The following HHAT variants were observed in gnomAD, a reference collection of about 807,000 sequenced individuals.
HHAT encodes the protein protein-cysteine N-palmitoyltransferase HHAT.
In HHAT, 47 loss-of-function variants were observed where a neutral mutation model predicts 70.8. That is an observed-to-expected ratio of 0.66 (90% CI 0.53 to 0.85). The LOEUF (loss-of-function observed/expected upper bound fraction) is 0.85, where lower values mean the gene tolerates loss of function less well. Ranked by LOEUF, HHAT falls within the 40% of genes least tolerant of loss-of-function variation. The pLI is 0.00. For synonymous variants in HHAT, 228 were observed against 247.6 expected (o/e 0.92, Z 0.74); for missense variants, 609 against 604.8 (o/e 1.01, Z -0.07).
intron 8 of HHAT, among the ~76,000 whole-genome samples, chr1:210,466,146 C>CGCAAGGAATT (rs945135485): frequency 6.7e-6 from 1 of 149,668 alleles, no homozygotes; most frequent in African/African-American, 2.5e-5. Flanking sequence ...TGCAAGGAAT[C>CGCAAGGAATT]GCAAGGAATT....
At chr1:210,653,812 C>A (rs1341331417) in intron 11 of HHAT, among the ~76,000 whole-genome samples, 2 of 37,040 alleles carry the variant, frequency 5.4e-5, no homozygotes, top group Admixed American at 3.6e-4. Flanking sequence ...GGGGCAGGAG[C>A]TGGAGGGCAG....
At chr1:210,505,694 G>C (rs984061789) in intron 8 of HHAT, among the ~76,000 whole-genome samples, 1 of 152,168 alleles carries the variant, frequency 6.6e-6, no homozygotes, top group African/African-American at 2.4e-5. Flanking sequence ...GCTGAACTCA[G>C]GCAGCCTATT....
intron 1 of HHAT, among the ~76,000 whole-genome samples, chr1:210,337,870 G>A (rs887830876): frequency 6.6e-6 from 1 of 152,134 alleles, no homozygotes; most frequent in African/African-American, 2.4e-5. Flanking sequence ...TCTTCACAAA[G>A]AGCACACTTC....
chr1:210,331,985 GAT>G (rs1369296436), intron 1 of HHAT, among the ~76,000 whole-genome samples: 10 of 152,210 alleles, frequency 6.6e-5, no homozygotes, highest in African/African-American at 2.4e-4. Flanking sequence ...GTGTATAAAA[GAT>G]GTGTGTGCTC....
intron 10 of HHAT, among the ~76,000 whole-genome samples, chr1:210,616,239 TA>T (rs1252309189): frequency 6.6e-6 from 1 of 152,016 alleles, no homozygotes; most frequent in African/African-American, 2.4e-5. Context: ...GACATATTGT[TA>T]TTAACTATAT....
chr1:210,520,057 C>T (rs11119520), intron 9 of HHAT, among the ~76,000 whole-genome samples: 84,465 of 151,662 alleles, frequency 0.56, 24,818 homozygotes, highest in South Asian at 0.68. Flanking sequence ...ACTCTATCAC[C>T]CAGACTGGAG....
chr1:210,459,263 G>A (rs572937935), intron 7 of HHAT, among the ~76,000 whole-genome samples: 1 of 152,132 alleles, frequency 6.6e-6, no homozygotes, highest in Non-Finnish European at 1.5e-5. Flanking sequence ...CTTCAGTAGA[G>A]ACTTAAAAAT....
At chr1:210,614,861 G>A (rs530658546) in intron 10 of HHAT, among the ~76,000 whole-genome samples, 22 of 152,232 alleles carry the variant, frequency 1.4e-4, no homozygotes, top group African/African-American at 5.3e-4. Context: ...GAGTAGTGCC[G>A]CAATAAACAT....
chr1:210,631,635 A>T (rs1013168118), intron 11 of HHAT, among the ~76,000 whole-genome samples: 1 of 152,240 alleles, frequency 6.6e-6, no homozygotes, highest in African/African-American at 2.4e-5. Context: ...AAGACCAGGG[A>T]AACAGAATTA....
At chr1:210,434,487 G>A (rs2093329391) in intron 7 of HHAT, among the ~76,000 whole-genome samples, 1 of 151,796 alleles carries the variant, frequency 6.6e-6, no homozygotes, top group African/African-American at 2.4e-5. Context: ...TTTAAGCAAG[G>A]AAATGTTATT....
chr1:210,336,768 G>GT lies in HHAT; in HGVS notation c.-44+7665dup, dbSNP rs142285678. Among the ~76,000 whole-genome samples the GT allele has an allele frequency of 6.8e-3, 1,030 of 152,274 alleles. 6 individuals are homozygous for GT. The highest frequency in any genetic ancestry group is 0.024 in the African/African-American group (1,002 of 41,542). On this transcript the variant is annotated intron_variant, in intron 1 of 11. Coordinates refer to ENST00000261458, the MANE Select transcript of HHAT (RefSeq NM_018194.6). ...CATGCACTGTAGTCTGGGTGACAGA[G>GT]TGAGACCCTGTTTAAGAAAAAAATA...
Position 210,418,146 on chromosome 1 carries a change from C to T in HHAT, c.685-8C>T. Reference sequence around the variant, plus strand: ...ACCATCGAATGACCTCTTTTGTTTCCACTTTAGATGCAGCAGCAGGAGCAT... The same window carrying T: ...ACCATCGAATGACCTCTTTTGTTTCTACTTTAGATGCAGCAGCAGGAGCAT... On this transcript the variant is annotated splice_region_variant and splice_polypyrimidine_tract_variant and intron_variant, in intron 6 of 11. Coordinates refer to ENST00000261458, the MANE Select transcript of HHAT (RefSeq NM_018194.6). 2 of 1,613,918 alleles carry T rather than the reference C, an allele frequency of 1.2e-6. No individual in the cohort carries two copies. Among genetic ancestry groups the T allele is most frequent in the Non-Finnish European group, 1.7e-6 (2 of 1,179,900 alleles).
chr1:210,629,852 G>GTT (rs367905358), intron 11 of HHAT, among the ~76,000 whole-genome samples: 56 of 142,452 alleles, frequency 3.9e-4, no homozygotes, highest in African/African-American at 9.9e-4. Context: ...TTTGTTTTTT[G>GTT]TTTTTTTTTT....
intron 8 of HHAT, among the ~76,000 whole-genome samples, chr1:210,499,660 T>G (rs61828078): frequency 5.3e-5 from 8 of 150,384 alleles, no homozygotes; most frequent in Non-Finnish European, 8.9e-5. Context: ...AAAAAAAAAT[T>G]ATGGAAGGGA....
chr1:210,334,470 T>C (rs2147913575), intron 1 of HHAT, among the ~76,000 whole-genome samples: 1 of 152,214 alleles, frequency 6.6e-6, no homozygotes, highest in South Asian at 2.1e-4. Flanking sequence ...AGTGCATTAC[T>C]GATAGCAGTT....
intron 3 of HHAT, among the ~76,000 whole-genome samples, chr1:210,372,723 C>T (rs1215520717): frequency 2.0e-5 from 3 of 151,772 alleles, no homozygotes; most frequent in Admixed American, 6.6e-5. Flanking sequence ...AAGCAAAGGA[C>T]ACAGACCAAG....
chr1:210,545,621 GA>G (rs2095476730), intron 9 of HHAT, among the ~76,000 whole-genome samples: 4 of 151,964 alleles, frequency 2.6e-5, no homozygotes, highest in Admixed American at 2.6e-4. Flanking sequence ...ATTTTTTGTA[GA>G]GATGGGGTTT....
chr1:210,650,019 C>CA (rs1278974072), intron 11 of HHAT, among the ~76,000 whole-genome samples: 1 of 152,282 alleles, frequency 6.6e-6, no homozygotes, highest in Non-Finnish European at 1.5e-5. Flanking sequence ...ACATTCTTGT[C>CA]AGAGTTTTTC....
At chr1:210,357,825 A>G (rs1216546440) in intron 2 of HHAT, among the ~76,000 whole-genome samples, 2 of 152,234 alleles carry the variant, frequency 1.3e-5, no homozygotes, top group Non-Finnish European at 2.9e-5. Context: ...ATCTCAAAAA[A>G]TAAAATAAAA....
Sources: gnomAD v4.1 joint callset for allele counts (sites outside exome capture counted in the v4.1 genomes callset) on GRCh38, gnomAD v4.1.1 for gene constraint, MANE v1.5 for transcripts, NCBI Gene and HGNC (gene_info 2026-07-23, HGNC 2026-07-21) for gene names.